SPRTN: variants seen among roughly 807,000 people sequenced by gnomAD.
SPRTN encodes the protein DNA-dependent metalloprotease SPRTN.
Under a neutral mutation model 31.9 loss-of-function variants are expected in SPRTN, and 11 were observed. That is an observed-to-expected ratio of 0.34 (90% CI 0.22 to 0.57). The LOEUF is 0.57. SPRTN is among the 20% of genes least tolerant of loss of function. SPRTN has a pLI of 0.86. For missense variants in SPRTN, 482 were observed against 590.1 expected, an observed-to-expected ratio of 0.82 and a Z score of 1.90; for synonymous variants, 185 against 212.1, an observed-to-expected ratio of 0.87 and a Z score of 1.11.
rs779956187 is a variant in SPRTN, at chr1:231,338,355, G to A, written c.-29G>A. 9.9e-6 allele frequency: 16 copies of A among 1,609,682 alleles called. No homozygotes were observed. Among genetic ancestry groups the A allele is most frequent in the Non-Finnish European group, 1.4e-5 (16 of 1,177,280 alleles). ...GTAACTGGGGAGCCAGCCTGACGCC[G>A]GCGGACCCCGCCTGTGATCCTGGCA... On this transcript the variant is annotated 5_prime_UTR_variant, in exon 1 of 5. Transcript: ENST00000295050.
In SPRTN at chr1:231,354,105, C is replaced by T. The variant is rs2102877502; in HGVS notation, c.*744C>T. ...TTAGCAGAGTGGTTAAAATTCTGTG[C>T]TGATAAGTAACTGATACATATAACA... On this transcript the variant is annotated 3_prime_UTR_variant, in exon 5 of 5. Coordinates refer to ENST00000295050, the MANE Select transcript of SPRTN (RefSeq NM_032018.7). 2.0e-6 allele frequency: 2 copies of T among 984,970 alleles called. No homozygotes were observed. Among genetic ancestry groups the T allele is most frequent in the South Asian group, 9.4e-5 (2 of 21,270 alleles). The allele number at this position is 984,970 out of a possible 1,614,324, so 61.0% of individuals were successfully genotyped here.
At chr1:231,346,142 C>G (rs1687052049) in intron 2 of SPRTN, among the ~76,000 whole-genome samples, 1 of 147,836 alleles carries the variant, frequency 6.8e-6, no homozygotes, top group South Asian at 2.2e-4. Flanking sequence ...ATTCGCATTT[C>G]TCTTTTTATA....
In SPRTN at chr1:231,353,729, CTATT is replaced by C. The variant is rs1333438502; in HGVS notation, c.*373_*376del. The C allele has an allele frequency of 4.0e-6, 4 of 988,846 alleles. No individual in the cohort carries two copies. The Admixed American group carries it at 1.6e-4, about 40-fold the overall frequency. 61.3% of individuals were successfully genotyped at this position (988,846 alleles called of 1,614,324 possible). ...CCTGTCAGGTGTTTGGTTATATTGA[CTATT>C]TATTAATAGTATTAGAACTCATTCC... On this transcript the variant is annotated 3_prime_UTR_variant, in exon 5 of 5. Transcript: ENST00000295050.
chr1:231,339,059 G>A (rs1312672504), intron 1 of SPRTN, among the ~76,000 whole-genome samples: 2 of 152,138 alleles, frequency 1.3e-5, no homozygotes, highest in Non-Finnish European at 2.9e-5. Flanking sequence ...TTGCATTGGG[G>A]ATCTTCAGTG....
chr1:231,351,282 T>C (rs1687222904), intron 3 of SPRTN, 22 bp from the exon 4 acceptor site: 1 of 1,488,386 alleles, frequency 6.7e-7, no homozygotes, highest in South Asian at 1.3e-5. Context: ...TATTGAATAC[T>C]AAAAATTCTG....
intron 1 of SPRTN, among the ~76,000 whole-genome samples, chr1:231,338,869 C>T (rs372734369): frequency 4.6e-5 from 7 of 152,228 alleles, no homozygotes; most frequent in African/African-American, 1.7e-4. Context: ...TTATTTGAAT[C>T]TCACTTCACT....
At chr1:231,343,212 T>C (rs1218762456) in intron 2 of SPRTN, among the ~76,000 whole-genome samples, 1 of 152,042 alleles carries the variant, frequency 6.6e-6, no homozygotes, top group Non-Finnish European at 1.5e-5. Context: ...AGCCTAGGTA[T>C]ATACACTCTA....
At position 231,354,882 on chromosome 1, in the gene SPRTN, A is replaced by G. The variant is rs1306342376; in HGVS notation, c.*1521A>G. 1 of 420,140 alleles carries G rather than the reference A, an allele frequency of 2.4e-6. No individual in the cohort carries two copies. Among genetic ancestry groups the G allele is most frequent in the Non-Finnish European group, 3.2e-6 (1 of 313,824 alleles). 26.0% of individuals were successfully genotyped at this position (420,140 alleles called of 1,614,324 possible). A position where few individuals can be genotyped will look rare whatever the true frequency, so the allele number is the denominator to read the frequency against. Reference sequence around the variant, plus strand: ...GTAAATTCTGCCAGTTTACACTCCTACCAGCAATGTATGAGAGTTTTAGTT... The same window carrying G: ...GTAAATTCTGCCAGTTTACACTCCTGCCAGCAATGTATGAGAGTTTTAGTT... On this transcript the variant is annotated 3_prime_UTR_variant, in exon 5 of 5. Transcript: ENST00000295050.
chr1:231,338,347 C>T lies in SPRTN; in HGVS notation c.-37C>T, dbSNP rs1686749357. 6.2e-7 allele frequency: 1 copy of T among 1,608,044 alleles called. No homozygotes were observed. The highest frequency in any genetic ancestry group is 2.2e-5 in the East Asian group (1 of 44,820). ...GTCGCGGCGTAACTGGGGAGCCAGC[C>T]TGACGCCGGCGGACCCCGCCTGTGA... On this transcript the variant is annotated 5_prime_UTR_variant, in exon 1 of 5. Coordinates refer to ENST00000295050, the MANE Select transcript of SPRTN (RefSeq NM_032018.7).
chr1:231,353,441 T>C lies in SPRTN; in HGVS notation c.*80T>C. On this transcript the variant is annotated 3_prime_UTR_variant, in exon 5 of 5. Transcript: ENST00000295050. Reference sequence around the variant, plus strand: ...CAGCCAGTCAGGAAGTTCTGGTTAATACTAAGATTTGTAGGTTATAATCTA... The same window carrying C: ...CAGCCAGTCAGGAAGTTCTGGTTAACACTAAGATTTGTAGGTTATAATCTA... 6.7e-7 allele frequency: 1 copy of C among 1,486,050 alleles called. No individual in the cohort carries two copies. The highest frequency in any genetic ancestry group is 2.3e-5 in the East Asian group (1 of 43,302). 92.1% of individuals were successfully genotyped at this position (1,486,050 alleles called of 1,614,324 possible). A position where few individuals can be genotyped will look rare whatever the true frequency, so the allele number is the denominator to read the frequency against.
chr1:231,352,957 G>C lies in SPRTN; in HGVS notation c.1066G>C (p.Val356Leu), dbSNP rs1687285541. Residue 356 changes from valine to leucine, a missense_variant, in exon 5 of 5, where the codon GTT becomes CTT. Physicochemically the swap from Val to Leu is conservative, Grantham distance 32. Around this residue, in one of 2 missense-constraint regions of SPRTN, gnomAD observed 325 missense variants for 350.2 expected, o/e 0.93. Coordinates refer to ENST00000295050, the MANE Select transcript of SPRTN (RefSeq NM_032018.7). ...TGGATCTCCAAGGATAAGTGTAACAGTTGGCAACATCCCTAAAAACTCAGT... is the reference window on the plus strand; with the variant it reads ...TGGATCTCCAAGGATAAGTGTAACACTTGGCAACATCCCTAAAAACTCAGT... ...VNGSPRISVT[V>L]GNIPKNSVSS... 2 of 1,614,118 alleles carry C rather than the reference G, an allele frequency of 1.2e-6. No homozygotes were observed. Among genetic ancestry groups the C allele is most frequent in the Non-Finnish European group, 1.7e-6 (2 of 1,180,002 alleles).
At chr1:231,343,056 A>G (rs1686946060) in intron 2 of SPRTN, among the ~76,000 whole-genome samples, 1 of 152,042 alleles carries the variant, frequency 6.6e-6, no homozygotes, top group Non-Finnish European at 1.5e-5. Flanking sequence ...TTTTTATTGT[A>G]CCTTTTTTCT....
At chr1:231,339,958 G>A (rs952898625) in intron 2 of SPRTN, 90 bp downstream of exon 2, 3 of 1,189,532 alleles carry the variant, frequency 2.5e-6, no homozygotes, top group East Asian at 2.5e-5. Context: ...TGTATGTATC[G>A]TTAAAAAAAG....
intron 2 of SPRTN, among the ~76,000 whole-genome samples, chr1:231,347,075 A>G (rs1687083572): frequency 6.6e-6 from 1 of 152,218 alleles, no homozygotes; most frequent in Admixed American, 6.5e-5. Context: ...GATGTTACAC[A>G]AATTTGAGTA....
At chr1:231,339,569 G>T (rs1481330387) in intron 1 of SPRTN, 200 bp from the exon 2 acceptor site, 1 of 744,604 alleles carries the variant, frequency 1.3e-6, no homozygotes, top group South Asian at 1.5e-5. Context: ...CTTGCCCGGC[G>T]GGGATCGGAG....
In SPRTN at chr1:231,351,679, G is replaced by C. The variant is rs1029147397; in HGVS notation, c.718+108G>C. 3.4e-5 allele frequency: 52 copies of C among 1,509,748 alleles called. 2 individuals are homozygous for C. In the African/African-American group the frequency reaches 5.3e-4, roughly 15 times the overall value. The allele number at this position is 1,509,748 out of a possible 1,614,324, so 93.5% of individuals were successfully genotyped here. A position where few individuals can be genotyped will look rare whatever the true frequency, so the allele number is the denominator to read the frequency against. On this transcript the variant is annotated intron_variant, in intron 4 of 4. Transcript: ENST00000295050. ...TAAGATAAACTTAAGGATCGTTTCTGGTGTAGAAGTCTTCAAGTGTAGACT... is the reference window on the plus strand; with the variant it reads ...TAAGATAAACTTAAGGATCGTTTCTCGTGTAGAAGTCTTCAAGTGTAGACT...
chr1:231,340,047 T>TAAAAAA (rs3071954), intron 2 of SPRTN, 179 bp downstream of exon 2: 104 of 292,324 alleles, frequency 3.6e-4, no homozygotes, highest in African/African-American at 2.3e-3. Context: ...TGCTTCATAG[T>TAAAAAA]AAAAAAAAAA....
intron 3 of SPRTN, among the ~76,000 whole-genome samples, 180 bp from the exon 4 acceptor site, chr1:231,351,124 A>G (rs1169734356): frequency 1.3e-5 from 2 of 151,604 alleles, no homozygotes; most frequent in East Asian, 3.9e-4. Context: ...ATTAAAATCA[A>G]CTTTTGAACA....
chr1:231,354,306 T>G lies in SPRTN; in HGVS notation c.*945T>G, dbSNP rs1427814090. ...TTATAGGGAAAGGACAAAGAGACTT[T>G]TATCAGTTTGCTTTTTGTCTTGTGG... On this transcript the variant is annotated 3_prime_UTR_variant, in exon 5 of 5. Coordinates refer to ENST00000295050, the MANE Select transcript of SPRTN (RefSeq NM_032018.7). 1 of 981,988 alleles carries G rather than the reference T, an allele frequency of 1.0e-6. No homozygotes were observed. Among genetic ancestry groups the G allele is most frequent in the Non-Finnish European group, 1.2e-6 (1 of 826,736 alleles). 60.8% of individuals were successfully genotyped at this position (981,988 alleles called of 1,614,324 possible).
Sources: gnomAD v4.1 joint callset for allele counts (sites outside exome capture counted in the v4.1 genomes callset) on GRCh38, gnomAD v4.1.1 for gene constraint, gnomAD v4.1.1 regional missense constraint, MANE v1.5 for transcripts, NCBI Gene and HGNC (gene_info 2026-07-23, HGNC 2026-07-21) for gene names.